The following TMEM132D variants were observed in gnomAD, a reference collection of about 807,000 sequenced individuals.
TMEM132D encodes the protein transmembrane protein 132D.
In TMEM132D, 21 loss-of-function variants were observed where a neutral mutation model predicts 62.3. That is an observed-to-expected ratio of 0.34 (90% CI 0.24 to 0.49). The LOEUF is 0.49. TMEM132D is among the 20% of genes least tolerant of loss of function. TMEM132D has a pLI of 0.99. For missense variants in TMEM132D, 1,346 were observed against 1,402.8 expected (o/e 0.96, Z 0.65); for synonymous variants, 621 against 575.6 (o/e 1.08, Z -1.13).
At position 129,598,896 on chromosome 12, in the gene TMEM132D, A is replaced by T. The variant is rs74791052; in HGVS notation, c.969-67691T>A. Among the ~76,000 whole-genome samples, 1,152 of 152,246 alleles carry T rather than the reference A, an allele frequency of 7.6e-3. 52 individuals are homozygous for T. In the East Asian group the frequency reaches 0.095, roughly 13 times the overall value. On this transcript the variant is annotated intron_variant, in intron 2 of 8. Coordinates refer to ENST00000422113, the MANE Select transcript of TMEM132D (RefSeq NM_133448.3). ...TATTCTAAGCTGAGATGGGCCTTTG[A>T]TTAAGGCCTGGCTGCTCAGACCATC...
At chr12:129,434,659 GTT>G (rs72491572) in intron 3 of TMEM132D, among the ~76,000 whole-genome samples, 15,900 of 146,920 alleles carry the variant, frequency 0.11, 1,312 homozygotes, top group East Asian at 0.41. Flanking sequence ...TAAAGTTGTA[GTT>G]TTTTTTTTTT....
At chr12:129,330,673 CGG>C (rs1319784178) in intron 4 of TMEM132D, among the ~76,000 whole-genome samples, 2 of 152,196 alleles carry the variant, frequency 1.3e-5, no homozygotes, top group African/African-American at 4.8e-5. Context: ...TGCTCTACCT[CGG>C]GACTCTGCAG....
rs756539559 is a variant in TMEM132D at position 129,700,227 on chromosome 12, C to T, written c.551G>A (p.Arg184Gln). 4.0e-5 allele frequency: 64 copies of T among 1,612,772 alleles called. No individual in the cohort carries two copies. The highest frequency in any genetic ancestry group is 5.1e-5 in the Non-Finnish European group (60 of 1,179,942). Reference sequence around the variant, plus strand: ...GCACAGCCCCAGGTCCCCCTGCAGCCGGCAGCTGCCCCGCACCTCTCGGGT... The same window carrying T: ...GCACAGCCCCAGGTCCCCCTGCAGCTGGCAGCTGCCCCGCACCTCTCGGGT... ...RETREVRGSC[R>Q]LQGDLGLCVA... Residue 184 changes from arginine to glutamine, a missense_variant, in exon 2 of 9, where the codon CGG becomes CAG. Arg to Gln is a conservative substitution (Grantham distance 43). Transcript: ENST00000422113.
intron 1 of TMEM132D, among the ~76,000 whole-genome samples, chr12:129,724,600 G>A (rs560367214): frequency 3.4e-4 from 51 of 152,194 alleles, no homozygotes; most frequent in East Asian, 5.8e-4. Context: ...TCGGCTCACC[G>A]CAACCCCCGC....
rs531551813 is a variant in TMEM132D at position 129,322,211 on chromosome 12, C to T, written c.1299+15423G>A. On this transcript the variant is annotated intron_variant, in intron 4 of 8. Transcript: ENST00000422113. The stretch of plus-strand genomic sequence containing the variant: ...TCCTGGTTTTTGTCGGACACACAGA[C>T]ATGTCTATGCCTTTTGCTGCATTGG... Among the ~76,000 whole-genome samples the T allele has an allele frequency of 6.7e-4, 100 of 148,580 alleles. 3 individuals are homozygous for T. The South Asian group carries it at 0.019, about 29-fold the overall frequency.
At chr12:129,817,653 T>C (rs369306744) in intron 1 of TMEM132D, among the ~76,000 whole-genome samples, 6 of 115,760 alleles carry the variant, frequency 5.2e-5, no homozygotes, top group African/African-American at 2.0e-4. Flanking sequence ...GTGTCTGTAA[T>C]ATGGGGTGTG....
At chr12:129,431,428 A>C (rs1013258141) in intron 3 of TMEM132D, among the ~76,000 whole-genome samples, 3 of 152,200 alleles carry the variant, frequency 2.0e-5, no homozygotes, top group African/African-American at 7.2e-5. Context: ...GAGCCTGCAC[A>C]TCCAGATGCT....
intron 2 of TMEM132D, among the ~76,000 whole-genome samples, chr12:129,622,358 GGGCTC>G (rs546333904): frequency 1.1e-3 from 175 of 152,256 alleles, no homozygotes; most frequent in Non-Finnish European, 1.9e-3. Flanking sequence ...CACGCAGGAG[GGGCTC>G]TTACGCCTTG....
At chr12:129,514,353 CAG>C (rs1389287406) in intron 3 of TMEM132D, among the ~76,000 whole-genome samples, 1 of 152,142 alleles carries the variant, frequency 6.6e-6, no homozygotes, top group Non-Finnish European at 1.5e-5. Context: ...TTTCAATAGA[CAG>C]AGAGACTCTT....
At chr12:129,802,918 A>G (rs1871846127) in intron 1 of TMEM132D, among the ~76,000 whole-genome samples, 1 of 151,400 alleles carries the variant, frequency 6.6e-6, no homozygotes, top group South Asian at 2.1e-4. Context: ...ACTTTAAACC[A>G]ACAAAGATCA....
intron 1 of TMEM132D, among the ~76,000 whole-genome samples, chr12:129,706,698 A>G (rs1253086164): frequency 6.6e-6 from 1 of 151,992 alleles, no homozygotes; most frequent in Non-Finnish European, 1.5e-5. Flanking sequence ...CTAATCATAT[A>G]TAAGGCTACA....
chr12:129,839,624 A>G (rs1284335874), intron 1 of TMEM132D, among the ~76,000 whole-genome samples: 2 of 152,166 alleles, frequency 1.3e-5, no homozygotes, highest in East Asian at 3.8e-4. Flanking sequence ...CCTTCTGGGA[A>G]TATGCCTTAA....
chr12:129,288,549 T>C (rs1881365182), intron 4 of TMEM132D, among the ~76,000 whole-genome samples: 1 of 152,138 alleles, frequency 6.6e-6, no homozygotes, highest in East Asian at 1.9e-4. Flanking sequence ...AAAACCACAA[T>C]GAGATATCAT....
chr12:129,722,718 A>G (rs932734090), intron 1 of TMEM132D, among the ~76,000 whole-genome samples: 2 of 147,538 alleles, frequency 1.4e-5, no homozygotes, highest in African/African-American at 2.5e-5. Flanking sequence ...GTTTTCATCA[A>G]TCCTGGCTCC....
intron 1 of TMEM132D, among the ~76,000 whole-genome samples, chr12:129,771,400 C>G (rs1224515968): frequency 6.6e-6 from 1 of 152,186 alleles, no homozygotes; most frequent in Non-Finnish European, 1.5e-5. Context: ...ACATAAGCTG[C>G]TTCACCTGTG....
At chr12:129,264,169 G>A (rs58295117) in intron 4 of TMEM132D, among the ~76,000 whole-genome samples, 3,017 of 152,254 alleles carry the variant, frequency 0.02, 108 homozygotes, top group African/African-American at 0.069. Context: ...CAGGTGGATC[G>A]CTTGAGGCCA....
At chr12:129,587,357 G>A (rs534807081) in intron 2 of TMEM132D, among the ~76,000 whole-genome samples, 14 of 152,244 alleles carry the variant, frequency 9.2e-5, no homozygotes, top group South Asian at 2.1e-4. Context: ...ACATGGGCAC[G>A]TAGAGGGTAA....
intron 1 of TMEM132D, among the ~76,000 whole-genome samples, chr12:129,847,924 C>G (rs961741829): frequency 6.6e-6 from 1 of 152,116 alleles, no homozygotes; most frequent in East Asian, 1.9e-4. Flanking sequence ...CAGCCACCAC[C>G]TGCCCGCAGT....
intron 2 of TMEM132D, among the ~76,000 whole-genome samples, chr12:129,582,623 C>CTT (rs11446843): frequency 0.021 from 3,068 of 146,134 alleles, 81 homozygotes; most frequent in Admixed American, 0.067. Flanking sequence ...TTCTTTCTTT[C>CTT]TTTTTTTTTT....
Sources: gnomAD v4.1 joint callset for allele counts (sites outside exome capture counted in the v4.1 genomes callset) on GRCh38, gnomAD v4.1.1 for gene constraint, MANE v1.5 for transcripts, NCBI Gene and HGNC (gene_info 2026-07-23, HGNC 2026-07-21) for gene names.